Variants in ZCWPW2 observed in about 807,000 individuals in gnomAD.
ZCWPW2 encodes zinc finger CW-type PWWP domain protein 2.
Under a neutral mutation model 46.6 loss-of-function variants are expected in ZCWPW2, and 45 were observed. The observed-to-expected ratio is 0.96, with a 90% CI of 0.76 to 1.24. ZCWPW2 has a LOEUF of 1.24. Ranked by LOEUF, ZCWPW2 falls within the 50% of genes most tolerant of loss-of-function variation. ZCWPW2 has a pLI of 0.00. For synonymous variants in ZCWPW2, 152 were observed against 137.1 expected (o/e 1.11, Z -0.76); for missense variants, 429 against 403.9 (o/e 1.06, Z -0.53).
intron 2 of ZCWPW2, among the ~76,000 whole-genome samples, chr3:28,409,244 C>T (rs1427842880): frequency 2.7e-5 from 4 of 149,462 alleles, no homozygotes; most frequent in Admixed American, 2.0e-4. Context: ...CTCAGCCTTG[C>T]AAGTAGCTGG....
chr3:28,390,220 C>T (rs1695432244), intron 1 of ZCWPW2, among the ~76,000 whole-genome samples: 2 of 152,140 alleles, frequency 1.3e-5, no homozygotes, highest in Non-Finnish European at 2.9e-5. Context: ...CCTCTTACTA[C>T]TTCATGGTGT....
intron 4 of ZCWPW2, chr3:28,461,493 G>A (rs905336123): frequency 1.3e-5 from 2 of 151,976 alleles, no homozygotes; most frequent in African/African-American, 4.8e-5. Flanking sequence ...TGTAATACCA[G>A]GTGATCATTA....
At chr3:28,394,834 TA>T (rs1695633041) in intron 2 of ZCWPW2, among the ~76,000 whole-genome samples, 1 of 152,106 alleles carries the variant, frequency 6.6e-6, no homozygotes, top group Admixed American at 6.5e-5. Context: ...GAAATCTTTA[TA>T]ACATTTGTCT....
At chr3:28,457,521 A>C (rs1698470707) in intron 4 of ZCWPW2, among the ~76,000 whole-genome samples, 1 of 152,226 alleles carries the variant, frequency 6.6e-6, no homozygotes, top group Non-Finnish European at 1.5e-5. Flanking sequence ...AAATGAGTGC[A>C]TGCTTATTCC....
intron 2 of ZCWPW2, among the ~76,000 whole-genome samples, chr3:28,399,294 G>C (rs562545992): frequency 6.6e-6 from 1 of 152,190 alleles, no homozygotes; most frequent in Admixed American, 6.5e-5. Context: ...CCCAAGGAGA[G>C]TCTGAGCTCA....
intron 2 of ZCWPW2, among the ~76,000 whole-genome samples, chr3:28,407,566 T>C (rs1696217206): frequency 6.6e-6 from 1 of 152,134 alleles, no homozygotes; most frequent in East Asian, 1.9e-4. Context: ...AGATTTTGAG[T>C]GGTTAACTAA....
At chr3:28,401,095 C>T (rs1036099360) in intron 2 of ZCWPW2, among the ~76,000 whole-genome samples, 2 of 151,774 alleles carry the variant, frequency 1.3e-5, no homozygotes, top group Non-Finnish European at 2.9e-5. Context: ...AGGAGAATGG[C>T]GTGAACCCGG....
At chr3:28,473,734 G>T (rs749938474) in intron 4 of ZCWPW2, among the ~76,000 whole-genome samples, 18 of 152,158 alleles carry the variant, frequency 1.2e-4, no homozygotes, top group Admixed American at 2.6e-4. Flanking sequence ...CAACAACATG[G>T]ATGGAACTGG....
chr3:28,397,988 T>C (rs140203161), intron 2 of ZCWPW2: 1 of 152,316 alleles, frequency 6.6e-6, no homozygotes, highest in East Asian at 1.9e-4. Context: ...AGGTAATTAT[T>C]CTGTTTCTGT....
intron 3 of ZCWPW2, among the ~76,000 whole-genome samples, chr3:28,433,561 G>A (rs1468615212): frequency 1.3e-5 from 2 of 152,240 alleles, no homozygotes; most frequent in Non-Finnish European, 2.9e-5. Context: ...GAGGTCAGGA[G>A]TTCGAGACCA....
At chr3:28,454,845 A>G (rs1698363832) in intron 4 of ZCWPW2, among the ~76,000 whole-genome samples, 1 of 152,178 alleles carries the variant, frequency 6.6e-6, no homozygotes, top group South Asian at 2.1e-4. Flanking sequence ...ATAGTATTTC[A>G]TGTTGTATGT....
intron 2 of ZCWPW2, among the ~76,000 whole-genome samples, chr3:28,412,266 C>T (rs921066403): frequency 6.6e-6 from 1 of 151,386 alleles, no homozygotes; most frequent in African/African-American, 2.4e-5. Context: ...AATTTGGGGG[C>T]TTTGTTACAC....
intron 4 of ZCWPW2, among the ~76,000 whole-genome samples, chr3:28,478,081 C>CT (rs1699296759): frequency 6.6e-6 from 1 of 151,904 alleles, no homozygotes; most frequent in African/African-American, 2.4e-5. Context: ...AAACTATAAT[C>CT]TATTATTTTA....
At chr3:28,472,969 C>T (rs1032462633) in intron 4 of ZCWPW2, among the ~76,000 whole-genome samples, 1 of 151,822 alleles carries the variant, frequency 6.6e-6, no homozygotes, top group Non-Finnish European at 1.5e-5. Flanking sequence ...GACAAACAGG[C>T]ATATGAAAAG....
chr3:28,424,228 A>AAC (rs55725925), intron 3 of ZCWPW2, among the ~76,000 whole-genome samples: 20,787 of 138,752 alleles, frequency 0.15, 1,636 homozygotes, highest in Non-Finnish European at 0.2. Context: ...GTCTTATTCC[A>AAC]ACACACACAC....
At position 28,390,608 on chromosome 3, in the gene ZCWPW2, G is replaced by C; in HGVS notation, c.-23G>C. 8.1e-6 allele frequency: 8 copies of C among 985,288 alleles called. No homozygotes were observed. The highest frequency in any genetic ancestry group is 9.6e-6 in the Non-Finnish European group (8 of 829,892). The allele number at this position is 985,288 out of a possible 1,614,324, so 61.0% of individuals were successfully genotyped here. A position where few individuals can be genotyped will look rare whatever the true frequency, so the allele number is the denominator to read the frequency against. On this transcript the variant is annotated 5_prime_UTR_variant, in exon 2 of 10. Transcript: ENST00000383768. ...GAATTTTGCTAGGAACAAAAGAAAA[G>C]TCTAACTCCGTAAGTACTTGAGAAA...
At chr3:28,512,093 T>C (rs547906197) in intron 6 of ZCWPW2, among the ~76,000 whole-genome samples, 1 of 152,292 alleles carries the variant, frequency 6.6e-6, no homozygotes, top group South Asian at 2.1e-4. Flanking sequence ...GGATATTGTT[T>C]TGATATGGTG....
At chr3:28,483,789 T>A (rs923780121) in intron 5 of ZCWPW2, among the ~76,000 whole-genome samples, 1 of 152,192 alleles carries the variant, frequency 6.6e-6, no homozygotes, top group Non-Finnish European at 1.5e-5. Flanking sequence ...ACTTGTTTGG[T>A]ACTAGTATGT....
intron 2 of ZCWPW2, among the ~76,000 whole-genome samples, chr3:28,404,176 A>G (rs970112463): frequency 4.6e-5 from 7 of 152,148 alleles, no homozygotes; most frequent in South Asian, 2.1e-4. Context: ...AATGAACTCA[A>G]ATAAATTAAC....
Sources: allele counts gnomAD v4.1 joint callset (sites outside exome capture counted in the v4.1 genomes callset), GRCh38; gene constraint gnomAD v4.1.1; transcripts MANE v1.5; gene names NCBI Gene and HGNC (gene_info 2026-07-23, HGNC 2026-07-21).